Variants in ADGRG7 observed in about 807,000 individuals in gnomAD.
ADGRG7 encodes the protein G-protein coupled receptor 128.
A neutral mutation model predicts 88.6 loss-of-function variants in ADGRG7; 82 were observed. The ratio of observed to expected loss-of-function variants is 0.93; its 90% CI spans 0.77 to 1.11. The LOEUF is 1.11. Ranked by LOEUF, ADGRG7 falls within the 50% of genes most tolerant of loss-of-function variation. The pLI is 0.00. For synonymous variants in ADGRG7, 381 were observed against 345.2 expected (o/e 1.10, Z -1.15); for missense variants, 945 against 953.4 (o/e 0.99, Z 0.12).
chr3:100,624,102 A>G (rs996394242), intron 1 of ADGRG7, among the ~76,000 whole-genome samples: 14 of 152,176 alleles, frequency 9.2e-5, no homozygotes, highest in African/African-American at 3.4e-4. Flanking sequence ...TAGATCCTTG[A>G]GGAATTGCCA....
intron 1 of ADGRG7, among the ~76,000 whole-genome samples, chr3:100,615,067 G>C (rs955177339): frequency 2.6e-5 from 4 of 152,174 alleles, no homozygotes; most frequent in African/African-American, 9.7e-5. Flanking sequence ...GCTGCCTGTT[G>C]CAATCAATGG....
At chr3:100,670,295 C>T (rs1303390495) in intron 15 of ADGRG7, among the ~76,000 whole-genome samples, 1 of 152,192 alleles carries the variant, frequency 6.6e-6, no homozygotes, top group Non-Finnish European at 1.5e-5. Flanking sequence ...TTTCACTTAA[C>T]ATAATGACCT....
chr3:100,666,054 C>CTT (rs1205474471), intron 14 of ADGRG7, among the ~76,000 whole-genome samples: 20 of 141,720 alleles, frequency 1.4e-4, no homozygotes, highest in African/African-American at 3.3e-4. Context: ...GGATGACTCA[C>CTT]TTTTTTTTTT....
chr3:100,655,027 C>T lies in ADGRG7; in HGVS notation c.1572C>T (p.Pro524=), dbSNP rs753113815. The T allele has an allele frequency of 6.2e-6, 10 of 1,614,160 alleles. No individual in the cohort carries two copies. Among genetic ancestry groups the T allele is most frequent in the Middle Eastern group, 1.6e-4 (1 of 6,062 alleles). ...PRTDTINIPN[P]MCTAIAALLH... Reference sequence around the variant, plus strand: ...CAGACACCATTAACATCCCGAATCCCATGTGCACTGCGATTGCCGCCTTAC... The same window carrying T: ...CAGACACCATTAACATCCCGAATCCTATGTGCACTGCGATTGCCGCCTTAC... Residue 524 remains proline, a synonymous_variant, in exon 12 of 16, where the codon CCC becomes CCT. Transcript: ENST00000273352.
intron 1 of ADGRG7, among the ~76,000 whole-genome samples, chr3:100,618,769 C>T (rs1289024742): frequency 6.9e-6 from 1 of 144,850 alleles, no homozygotes; most frequent in African/African-American, 2.6e-5. Context: ...TCATTGGTAG[C>T]TTGATGGTGA....
At chr3:100,656,289 A>G (rs2094937428) in intron 13 of ADGRG7, among the ~76,000 whole-genome samples, 1 of 152,206 alleles carries the variant, frequency 6.6e-6, no homozygotes, top group African/African-American at 2.4e-5. Context: ...AATAGGTATT[A>G]TCCTTAGTAA....
intron 1 of ADGRG7, among the ~76,000 whole-genome samples, chr3:100,627,853 T>C (rs1707401107): frequency 6.6e-6 from 1 of 152,168 alleles, no homozygotes; most frequent in Admixed American, 6.5e-5. Flanking sequence ...TGACATGATT[T>C]CTTCTGATAT....
Position 100,648,411 on chromosome 3 carries a change from C to T in ADGRG7, c.1267-1284C>T, listed in dbSNP as rs138235919. Among the ~76,000 whole-genome samples, 574 of 152,120 alleles carry T rather than the reference C, an allele frequency of 3.8e-3. 5 individuals carry two copies. Among genetic ancestry groups the T allele is most frequent in the Non-Finnish European group, 5.2e-3 (354 of 67,992 alleles). On this transcript the variant is annotated intron_variant, in intron 10 of 15. Transcript: ENST00000273352. ...CTTTTTGCATCTACTTAGTACACTA[C>T]GTATAAGAAATAACATAAAATTTTT...
At position 100,635,708 on chromosome 3, in the gene ADGRG7, T is replaced by G; in HGVS notation, c.479T>G (p.Ile160Ser). The change falls in exon 5 of 16, where the codon ATT (isoleucine) becomes AGT (serine). Residue 160 changes from isoleucine (I) to serine (S), a missense_variant. Transcript: ENST00000273352. ...VKDVTAPLNN[I>S]SSEVQILTSD... ...GATGTCACAGCACCACTTAATAACA[T>G]TTCTTCTGAAGTCCAGATTTTAACA... 2 of 1,613,992 alleles carry G rather than the reference T, an allele frequency of 1.2e-6. No homozygotes were observed. Among genetic ancestry groups the G allele is most frequent in the Non-Finnish European group, 1.7e-6 (2 of 1,179,918 alleles).
At chr3:100,616,980 C>G (rs1707235047) in intron 1 of ADGRG7, among the ~76,000 whole-genome samples, 1 of 151,986 alleles carries the variant, frequency 6.6e-6, no homozygotes, top group Non-Finnish European at 1.5e-5. Context: ...AGGCTAAAGT[C>G]CAACAGGGTC....
At chr3:100,658,644 G>T (rs2094940739) in intron 13 of ADGRG7, among the ~76,000 whole-genome samples, 1 of 151,900 alleles carries the variant, frequency 6.6e-6, no homozygotes, top group African/African-American at 2.4e-5. Context: ...TCAGGTCTTT[G>T]CTCAAATACA....
chr3:100,683,104 G>A (rs1349692733), intron 15 of ADGRG7, among the ~76,000 whole-genome samples: 1 of 152,142 alleles, frequency 6.6e-6, no homozygotes, highest in African/African-American at 2.4e-5. Flanking sequence ...ACCCACTGCG[G>A]CTGCAGGTGT....
At chr3:100,673,490 C>T (rs1284174644) in intron 15 of ADGRG7, among the ~76,000 whole-genome samples, 1 of 142,408 alleles carries the variant, frequency 7.0e-6, no homozygotes, top group African/African-American at 2.6e-5. Context: ...TTGACAGAGT[C>T]TCGGTCTGTC....
rs936089745 is a variant in ADGRG7 at position 100,659,552 on chromosome 3, A to G, written c.1824-136A>G. ...ATTCTTGAAAGTCATAAGTCATCTC[A>G]AATGTGTAAAATGCAGAGGGATGTT... On this transcript the variant is annotated intron_variant, in intron 13 of 15. Coordinates refer to ENST00000273352, the MANE Select transcript of ADGRG7 (RefSeq NM_032787.3). 1.4e-5 allele frequency: 9 copies of G among 662,336 alleles called. No homozygotes were observed. In the East Asian group the frequency reaches 2.6e-4, roughly 19 times the overall value. 41.0% of individuals were successfully genotyped at this position (662,336 alleles called of 1,614,324 possible).
chr3:100,661,020 A>C (rs988570576), intron 14 of ADGRG7, among the ~76,000 whole-genome samples: 1 of 151,980 alleles, frequency 6.6e-6, no homozygotes, highest in African/African-American at 2.4e-5. Flanking sequence ...CTAAGCTGAC[A>C]TTCCCTGCGG....
chr3:100,678,927 T>C (rs1343567369), intron 15 of ADGRG7, among the ~76,000 whole-genome samples: 1 of 152,126 alleles, frequency 6.6e-6, no homozygotes, highest in African/African-American at 2.4e-5. Context: ...ACAGCACTGG[T>C]TCTCTCCCAA....
Position 100,655,143 on chromosome 3 carries a change from C to T in ADGRG7, c.1688C>T (p.Pro563Leu). 6.2e-7 allele frequency: 1 copy of T among 1,612,562 alleles called. No individual in the cohort carries two copies. Among genetic ancestry groups the T allele is most frequent in the Non-Finnish European group, 8.5e-7 (1 of 1,178,902 alleles). ...YLLIRTMKPL[P>L]RHFILFISLI... ...CTAATAAGGACCATGAAGCCTCTTCCTCGGCATTTCATTCTTTTCATCTCA... is the reference window on the plus strand; with the variant it reads ...CTAATAAGGACCATGAAGCCTCTTCTTCGGCATTTCATTCTTTTCATCTCA... Residue 563 changes from proline (P) to leucine (L), a missense_variant, in exon 12 of 16, where the codon CCT (proline) becomes CTT (leucine). Transcript: ENST00000273352.
intron 1 of ADGRG7, among the ~76,000 whole-genome samples, chr3:100,628,986 C>T (rs963159342): frequency 1.3e-4 from 20 of 152,048 alleles, no homozygotes; most frequent in Non-Finnish European, 2.5e-4. Context: ...TTATAAAGTC[C>T]CTTCCAATTG....
chr3:100,645,244 G>T (rs1707723241), intron 8 of ADGRG7, among the ~76,000 whole-genome samples: 2 of 152,222 alleles, frequency 1.3e-5, no homozygotes, highest in Non-Finnish European at 2.9e-5. Flanking sequence ...AACGGGCTGG[G>T]TGCCAAACCC....
Sources: allele counts gnomAD v4.1 joint callset (sites outside exome capture counted in the v4.1 genomes callset), GRCh38; gene constraint gnomAD v4.1.1; transcripts MANE v1.5; gene names NCBI Gene and HGNC (gene_info 2026-07-23, HGNC 2026-07-21).